The following SCARA5 variants were observed in gnomAD, a reference collection of about 807,000 sequenced individuals.
SCARA5 encodes the protein scavenger receptor class A member 5.
A neutral mutation model predicts 46.3 loss-of-function variants in SCARA5; 45 were observed. The observed-to-expected ratio is 0.97, with a 90% CI of 0.76 to 1.24. The LOEUF is 1.24. Ranked by LOEUF, SCARA5 falls within the 50% of genes most tolerant of loss-of-function variation. The pLI is 0.00. For synonymous variants in SCARA5, 333 were observed against 306.5 expected (o/e 1.09, Z -0.90); for missense variants, 680 against 689.0 (o/e 0.99, Z 0.15).
rs1211256366 is a variant in SCARA5, at chr8:27,891,199, GT to G, written c.1154-11434del. ...ATGTGAACAGAACTACAATAGGTTT[GT>G]TTTTTTTTTGTTTTTTTTTTTAAAT... On this transcript the variant is annotated intron_variant, in intron 7 of 8. Transcript: ENST00000354914. Among the ~76,000 whole-genome samples the G allele has an allele frequency of 9.2e-5, 4 of 43,432 alleles. No individual in the cohort carries two copies. The East Asian group carries it at 1.5e-3, about 16-fold the overall frequency. The allele number at this position is 43,432 out of a possible 152,430, so 28.5% of individuals were successfully genotyped here.
intron 3 of SCARA5, among the ~76,000 whole-genome samples, chr8:27,942,065 G>A (rs1807955102): frequency 6.6e-6 from 1 of 151,950 alleles, no homozygotes; most frequent in African/African-American, 2.4e-5. Context: ...CTGACCCCAG[G>A]TGATCTACCC....
chr8:27,921,907 T>C lies in SCARA5; in HGVS notation c.580A>G (p.Ser194Gly), dbSNP rs1161398524. 1.3e-6 allele frequency: 2 copies of C among 1,523,570 alleles called. No homozygotes were observed. Among genetic ancestry groups the C allele is most frequent in the Non-Finnish European group, 1.7e-6 (2 of 1,143,372 alleles). 94.4% of individuals were successfully genotyped at this position (1,523,570 alleles called of 1,614,324 possible). A position where few individuals can be genotyped will look rare whatever the true frequency, so the allele number is the denominator to read the frequency against. The change falls in exon 4 of 9, where the codon AGT (serine) becomes GGT (glycine). Residue 194 changes from serine (S) to glycine (G), a missense_variant. This residue lies in a region of SCARA5 where 438 missense variants were observed against 384.5 expected (regional missense o/e 1.14). Coordinates refer to ENST00000354914, the MANE Select transcript of SCARA5 (RefSeq NM_173833.6). The part of the protein sequence containing the change: ...ELYQLQVESN[S>G]SQLLLRRHAG... ...TGGCGCCTCAGCAGCAGCTGGCTAC[T>C]GTTGCTCTCCACCTGCAGCTGGTAG...
intron 3 of SCARA5, among the ~76,000 whole-genome samples, chr8:27,932,594 C>T (rs1376963070): frequency 5.9e-5 from 9 of 152,178 alleles, no homozygotes; most frequent in Non-Finnish European, 1.2e-4. Context: ...TGTATCCTCC[C>T]ATAACCTTTC....
chr8:27,884,203 C>A (rs969160266), intron 7 of SCARA5, among the ~76,000 whole-genome samples: 1 of 152,174 alleles, frequency 6.6e-6, no homozygotes, highest in African/African-American at 2.4e-5. Flanking sequence ...GGCCAGGTGA[C>A]CGTTCTCCCC....
chr8:27,959,147 C>T (rs550589155), intron 3 of SCARA5, among the ~76,000 whole-genome samples: 17 of 152,236 alleles, frequency 1.1e-4, no homozygotes, highest in African/African-American at 4.1e-4. Context: ...GCAGGAGAAT[C>T]GCTTGAACCC....
chr8:27,891,641 T>C (rs1279163711), intron 7 of SCARA5, among the ~76,000 whole-genome samples: 1 of 152,242 alleles, frequency 6.6e-6, no homozygotes, highest in Non-Finnish European at 1.5e-5. Context: ...ACAGGGCCCC[T>C]GTCCCCCGTG....
intron 7 of SCARA5, among the ~76,000 whole-genome samples, chr8:27,892,657 T>G (rs1219163404): frequency 1.4e-5 from 2 of 142,612 alleles, no homozygotes; most frequent in African/African-American, 5.1e-5. Context: ...TTGCCCAGGC[T>G]GGAGTGCAGT....
chr8:27,979,761 A>G (rs1275860250), intron 2 of SCARA5, among the ~76,000 whole-genome samples: 1 of 151,920 alleles, frequency 6.6e-6, no homozygotes, highest in Non-Finnish European at 1.5e-5. Flanking sequence ...GGGTTCCACC[A>G]TGTTGCCCAG....
At position 27,879,598 on chromosome 8, in the gene SCARA5, T is replaced by A. The variant is rs1052345090; in HGVS notation, c.1322A>T (p.Glu441Val). 8 of 1,609,722 alleles carry A rather than the reference T, an allele frequency of 5.0e-6. No homozygotes were observed. In the African/African-American group the frequency reaches 1.1e-4, roughly 22 times the overall value. The change falls in exon 8 of 9, where the codon GAG becomes GTG. Residue 441 changes from glutamate to valine, a missense_variant. Transcript: ENST00000354914. Reference sequence around the variant, plus strand: ...CCCGAATCGAGCTGTGCGGTACACCTCCTCCACACCGCGGAAGCCGAGCAT... The same window carrying A: ...CCCGAATCGAGCTGTGCGGTACACCACCTCCACACCGCGGAAGCCGAGCAT... ...CRMLGFRGVE[E>V]VYRTARFGQG...
At chr8:27,959,738 G>A (rs1808265049) in intron 3 of SCARA5, among the ~76,000 whole-genome samples, 1 of 152,232 alleles carries the variant, frequency 6.6e-6, no homozygotes, top group Non-Finnish European at 1.5e-5. Flanking sequence ...AGGAGGACAA[G>A]GAAGGGGTTT....
chr8:27,988,151 G>A (rs1237449694), intron 1 of SCARA5, among the ~76,000 whole-genome samples: 2 of 152,214 alleles, frequency 1.3e-5, no homozygotes, highest in Non-Finnish European at 2.9e-5. Context: ...GAGCAGACCA[G>A]GACTGCTCCC....
At chr8:27,874,873 C>T (rs75039621) in intron 8 of SCARA5, among the ~76,000 whole-genome samples, 1,647 of 152,322 alleles carry the variant, frequency 0.011, 30 homozygotes, top group African/African-American at 0.037. Context: ...TACCAAGCCT[C>T]CCTCCAGTCA....
intron 3 of SCARA5, among the ~76,000 whole-genome samples, chr8:27,928,966 T>C (rs972174514): frequency 1.3e-5 from 2 of 152,160 alleles, no homozygotes; most frequent in Non-Finnish European, 2.9e-5. Flanking sequence ...ACACACTTTT[T>C]AATGGTCAGA....
At chr8:27,976,775 G>C (rs1585523895) in intron 2 of SCARA5, among the ~76,000 whole-genome samples, 1 of 152,140 alleles carries the variant, frequency 6.6e-6, no homozygotes, top group East Asian at 1.9e-4. Flanking sequence ...AACACAGCAG[G>C]CCATGCCAGA....
At chr8:27,989,162 G>T (rs113214621) in intron 1 of SCARA5, among the ~76,000 whole-genome samples, 10,444 of 114,732 alleles carry the variant, frequency 0.091, 539 homozygotes, top group Middle Eastern at 0.18. Flanking sequence ...TTGAGACAGG[G>T]TCTCACTCTG....
At chr8:27,875,139 GCTCCCTTCTTTCTTCCTTCCTCT>G (rs1451730533) in intron 8 of SCARA5, among the ~76,000 whole-genome samples, 2 of 151,376 alleles carry the variant, frequency 1.3e-5, no homozygotes, top group Non-Finnish European at 2.9e-5. Flanking sequence ...TTCCTTCCTC[GCTCCCTTCTTTCTTCCTTCCTCT>G]CTCCCTCTGT....
chr8:27,903,379 G>C (rs1807192704), intron 7 of SCARA5: 2 of 152,336 alleles, frequency 1.3e-5, no homozygotes, highest in Non-Finnish European at 2.9e-5. Context: ...GGATTAGGCA[G>C]GCACCAAGAA....
intron 3 of SCARA5, among the ~76,000 whole-genome samples, chr8:27,949,981 C>T (rs1188807681): frequency 6.6e-6 from 1 of 152,226 alleles, no homozygotes; most frequent in East Asian, 1.9e-4. Context: ...TGGCCTTGGG[C>T]AGGTCCACCA....
At chr8:27,982,380 G>T (rs1386685315) in intron 2 of SCARA5, among the ~76,000 whole-genome samples, 1 of 151,506 alleles carries the variant, frequency 6.6e-6, no homozygotes, top group Admixed American at 6.6e-5. Context: ...AGGAAGGTGG[G>T]GGTGGGGTGG....
Sources: gnomAD v4.1 joint callset for allele counts (sites outside exome capture counted in the v4.1 genomes callset) on GRCh38, gnomAD v4.1.1 for gene constraint, gnomAD v4.1.1 regional missense constraint, MANE v1.5 for transcripts, NCBI Gene and HGNC (gene_info 2026-07-23, HGNC 2026-07-21) for gene names.